ANKRD44: variants seen among roughly 807,000 people sequenced by gnomAD.
The protein encoded by ANKRD44 is ankyrin repeat domain 44, also known as serine/threonine-protein phosphatase 6 regulatory ankyrin repeat subunit B.
Under a neutral mutation model 116.0 loss-of-function variants are expected in ANKRD44, and 35 were observed. The observed-to-expected ratio is 0.30, with a 90% CI of 0.23 to 0.40. The LOEUF (loss-of-function observed/expected upper bound fraction) is 0.40. Ranked by LOEUF, ANKRD44 falls within the 10% of genes least tolerant of loss-of-function variation. The pLI, the probability that ANKRD44 is intolerant of heterozygous loss-of-function variation, is 1.00. For missense variants in ANKRD44, 1,014 were observed against 1,242.6 expected (o/e 0.82, Z 2.77); for synonymous variants, 435 against 461.8 (o/e 0.94, Z 0.74).
intron 1 of ANKRD44, among the ~76,000 whole-genome samples, chr2:197,307,274 A>G (rs2084099332): frequency 6.6e-6 from 1 of 152,352 alleles, no homozygotes; most frequent in South Asian, 2.1e-4. Context: ...TTACATTATT[A>G]TATTAATGAC....
chr2:197,088,432 G>GATAT (rs2077973846), intron 12 of ANKRD44, among the ~76,000 whole-genome samples: 1 of 152,010 alleles, frequency 6.6e-6, no homozygotes, highest in South Asian at 2.1e-4. Context: ...TGGGGTAACT[G>GATAT]ATATGTATTC....
At chr2:197,252,487 A>C (rs975154828) in intron 1 of ANKRD44, among the ~76,000 whole-genome samples, 2 of 152,022 alleles carry the variant, frequency 1.3e-5, no homozygotes, top group African/African-American at 4.8e-5. Flanking sequence ...GCTCACTGCA[A>C]GCTCCGCCTC....
intron 9 of ANKRD44, among the ~76,000 whole-genome samples, chr2:197,101,941 A>G (rs1559063066): frequency 2.0e-5 from 3 of 152,202 alleles, no homozygotes; most frequent in African/African-American, 7.2e-5. Context: ...GTCAAAAGTC[A>G]TATTTTTGAA....
At chr2:197,165,784 T>C (rs145156678) in intron 2 of ANKRD44, among the ~76,000 whole-genome samples, 112 of 152,356 alleles carry the variant, frequency 7.4e-4, no homozygotes, top group African/African-American at 2.5e-3. Flanking sequence ...ATAGTAACTA[T>C]GAGCATCTAT....
chr2:196,990,854 C>A (rs2075901912), intron 27 of ANKRD44: 1 of 1,232,476 alleles, frequency 8.1e-7, no homozygotes, highest in Non-Finnish European at 1.0e-6. Flanking sequence ...AAAAAGGCAT[C>A]ATGGTAGCCA....
In ANKRD44 at chr2:197,177,593, T is replaced by C. The variant is rs2080397465; in HGVS notation, c.111+9430A>G. On this transcript the variant is annotated intron_variant, in intron 2 of 27. Coordinates refer to ENST00000282272, the MANE Select transcript of ANKRD44 (RefSeq NM_001195144.2). ...GCTTTCTCGTGAGTTTGTGTGTGTG[T>C]TTGTGTGTGTGTGTGTATATATTTA... Among the ~76,000 whole-genome samples the C allele has an allele frequency of 2.0e-5, 3 of 152,156 alleles. No individual in the cohort carries two copies. The South Asian group carries it at 6.2e-4, about 32-fold the overall frequency.
chr2:197,085,360 G>C (rs2077895118), intron 13 of ANKRD44, among the ~76,000 whole-genome samples: 2 of 152,180 alleles, frequency 1.3e-5, no homozygotes, highest in African/African-American at 4.8e-5. Flanking sequence ...GGGGATGTCA[G>C]AGACATGTGA....
chr2:197,137,588 C>T (rs1013282951), intron 3 of ANKRD44, among the ~76,000 whole-genome samples: 5 of 152,186 alleles, frequency 3.3e-5, no homozygotes, highest in African/African-American at 1.2e-4. Context: ...AAGTAAATAA[C>T]AAATCATAGA....
intron 1 of ANKRD44, among the ~76,000 whole-genome samples, chr2:197,307,687 A>G (rs2084115058): frequency 1.3e-5 from 2 of 152,148 alleles, no homozygotes; most frequent in South Asian, 4.1e-4. Flanking sequence ...CTGACTGCTG[A>G]AGTAGTGTCT....
intron 1 of ANKRD44, among the ~76,000 whole-genome samples, chr2:197,187,371 C>T (rs1314321324): frequency 2.0e-5 from 3 of 152,294 alleles, no homozygotes; most frequent in East Asian, 3.9e-4. Flanking sequence ...ACCATGAACA[C>T]CACCCATCAC....
intron 16 of ANKRD44, among the ~76,000 whole-genome samples, chr2:197,038,484 T>C (rs1160880333): frequency 6.6e-6 from 1 of 152,244 alleles, no homozygotes; most frequent in South Asian, 2.1e-4. Flanking sequence ...AGTGTCAGTT[T>C]ACTGCTACAA....
At chr2:197,202,568 CT>C (rs1355781057) in intron 1 of ANKRD44, among the ~76,000 whole-genome samples, 5 of 151,988 alleles carry the variant, frequency 3.3e-5, no homozygotes. Flanking sequence ...TTACAGGCCT[CT>C]TTTTTGTTTT....
intron 1 of ANKRD44, among the ~76,000 whole-genome samples, chr2:197,229,862 A>G (rs1200059762): frequency 6.6e-6 from 1 of 152,136 alleles, no homozygotes; most frequent in Non-Finnish European, 1.5e-5. Context: ...GAGGTCCAAC[A>G]TCGATGCAGA....
chr2:197,139,897 T>TGTGTGTGTGTGTGA (rs1434883595), intron 3 of ANKRD44, among the ~76,000 whole-genome samples: 1 of 131,308 alleles, frequency 7.6e-6, no homozygotes, highest in African/African-American at 2.8e-5. Flanking sequence ...TGTGTGTGTG[T>TGTGTGTGTGTGTGA]GAAACGGAGT....
intron 2 of ANKRD44, among the ~76,000 whole-genome samples, chr2:197,176,523 G>T (rs1183284578): frequency 1.3e-5 from 2 of 152,264 alleles, no homozygotes; most frequent in African/African-American, 4.8e-5. Context: ...GTATTTTGGT[G>T]TGACTGATAT....
chr2:197,252,166 C>T (rs1035526138), intron 1 of ANKRD44, among the ~76,000 whole-genome samples: 3 of 152,072 alleles, frequency 2.0e-5, no homozygotes, highest in African/African-American at 7.2e-5. Flanking sequence ...AACACATACA[C>T]TAAAACTATT....
Position 197,030,733 on chromosome 2 carries a change from T to G in ANKRD44, c.1651-5466A>C, listed in dbSNP as rs530403864. ...TGATTTTTAAAAATAAAACTTTTTT[T>G]TTTTGCTTAAAAGAGCTAGAGTGGT... On this transcript the variant is annotated intron_variant, in intron 16 of 27. Coordinates refer to ENST00000282272, the MANE Select transcript of ANKRD44 (RefSeq NM_001195144.2). Among the ~76,000 whole-genome samples the G allele has an allele frequency of 1.3e-4, 20 of 152,336 alleles. No homozygotes were observed. The East Asian group carries it at 3.9e-3, about 29-fold the overall frequency.
At chr2:197,104,107 T>A (rs1384056732) in intron 9 of ANKRD44, among the ~76,000 whole-genome samples, 1 of 152,140 alleles carries the variant, frequency 6.6e-6, no homozygotes, top group South Asian at 2.1e-4. Context: ...ACATTTCAGA[T>A]GATTTCCTTT....
At chr2:197,148,467 G>A (rs1279181241) in intron 2 of ANKRD44, among the ~76,000 whole-genome samples, 1 of 152,156 alleles carries the variant, frequency 6.6e-6, no homozygotes, top group Non-Finnish European at 1.5e-5. Context: ...AAGTTTCTTG[G>A]ATTCGCTGTT....
Sources: allele counts gnomAD v4.1 joint callset (sites outside exome capture counted in the v4.1 genomes callset), GRCh38; gene constraint gnomAD v4.1.1; transcripts MANE v1.5; gene names NCBI Gene and HGNC (gene_info 2026-07-23, HGNC 2026-07-21).